FNBP1L: variants seen among roughly 807,000 people sequenced by gnomAD.
FNBP1L encodes the protein formin-binding protein 1-like.
In FNBP1L, 36 loss-of-function variants were observed where a neutral mutation model predicts 91.2. That is an observed-to-expected ratio of 0.39 (90% CI 0.30 to 0.52). The LOEUF (loss-of-function observed/expected upper bound fraction) is 0.52, where lower values mean the gene tolerates loss of function less well. Among genes scored for constraint, FNBP1L ranks in the 20% least tolerant of loss-of-function variants. FNBP1L has a pLI of 0.66. For missense variants in FNBP1L, 571 were observed against 732.1 expected, an observed-to-expected ratio of 0.78 and a Z score of 2.54; for synonymous variants, 242 against 237.0, an observed-to-expected ratio of 1.02 and a Z score of -0.19.
intron 1 of FNBP1L, among the ~76,000 whole-genome samples, chr1:93,495,385 AC>A (rs1670229207): frequency 6.6e-6 from 1 of 152,228 alleles, no homozygotes; most frequent in African/African-American, 2.4e-5. Flanking sequence ...AAATGTATTA[AC>A]CACTGATAAA....
chr1:93,470,607 T>C (rs1669249794), intron 1 of FNBP1L, among the ~76,000 whole-genome samples: 1 of 151,988 alleles, frequency 6.6e-6, no homozygotes, highest in Non-Finnish European at 1.5e-5. Flanking sequence ...GCACGGTGGC[T>C]CAGACCTGTA....
chr1:93,550,748 T>C (rs968864693), intron 15 of FNBP1L, among the ~76,000 whole-genome samples, 199 bp from the exon 16 acceptor site: 1 of 152,242 alleles, frequency 6.6e-6, no homozygotes, highest in African/African-American at 2.4e-5. Context: ...TGCGGGCTTA[T>C]TATGCAGCTC....
At chr1:93,485,782 C>T (rs549018966) in intron 1 of FNBP1L, among the ~76,000 whole-genome samples, 29 of 152,232 alleles carry the variant, frequency 1.9e-4, no homozygotes, top group African/African-American at 6.3e-4. Context: ...CTGCAACCTC[C>T]GCCTCCCGGG....
chr1:93,539,241 AT>A (rs1484156603), intron 10 of FNBP1L, among the ~76,000 whole-genome samples: 3 of 152,088 alleles, frequency 2.0e-5, no homozygotes, highest in Admixed American at 2.0e-4. Flanking sequence ...CCTATTTAAA[AT>A]GAAATACACC....
chr1:93,510,984 G>A (rs1233937112), intron 2 of FNBP1L, among the ~76,000 whole-genome samples: 2 of 152,184 alleles, frequency 1.3e-5, no homozygotes, highest in African/African-American at 4.8e-5. Flanking sequence ...TCTGATTGGT[G>A]TACCTGAAAG....
chr1:93,499,669 A>G (rs945520565), intron 2 of FNBP1L, 86 bp downstream of exon 2: 1 of 773,258 alleles, frequency 1.3e-6, no homozygotes, highest in African/African-American at 1.8e-5. Context: ...TCCAGAGGTT[A>G]AATTCTATGT....
chr1:93,509,634 C>T (rs563527488), intron 2 of FNBP1L, among the ~76,000 whole-genome samples: 18 of 152,216 alleles, frequency 1.2e-4, no homozygotes, highest in East Asian at 3.9e-4. Context: ...GGAACAGCTC[C>T]GGTCTACAGC....
intron 2 of FNBP1L, among the ~76,000 whole-genome samples, chr1:93,502,081 T>C (rs543101950): frequency 4.3e-4 from 65 of 152,342 alleles, no homozygotes; most frequent in Non-Finnish European, 6.9e-4. Context: ...TCAGGTTGAA[T>C]GATGAATGTG....
chr1:93,522,795 G>C (rs966417322), intron 3 of FNBP1L, among the ~76,000 whole-genome samples: 5 of 152,090 alleles, frequency 3.3e-5, no homozygotes, highest in Admixed American at 6.6e-5. Context: ...GATTCTCTTT[G>C]TTTCTCTCCT....
At position 93,551,089 on chromosome 1, in the gene FNBP1L, A is replaced by C. The variant is rs746656111; in HGVS notation, c.1794A>C (p.Leu598=). Residue 598 remains leucine, a synonymous_variant, in exon 16 of 17, where the codon CTA becomes CTC. Coordinates refer to ENST00000271234, the MANE Select transcript of FNBP1L (RefSeq NM_001164473.3). ...YVPTSYIDVT[L]EKNSKGS is the part of the protein sequence containing the mutation. ...CCACGTCATACATAGATGTAACTCT[A>C]GAGAAAAACAGTAAAGGTGCAGTAA... 6.2e-7 allele frequency: 1 copy of C among 1,608,722 alleles called. No individual in the cohort carries two copies. The highest frequency in any genetic ancestry group is 1.1e-5 in the South Asian group (1 of 90,288).
At chr1:93,472,743 C>T (rs1465320333) in intron 1 of FNBP1L, among the ~76,000 whole-genome samples, 3 of 128,520 alleles carry the variant, frequency 2.3e-5, no homozygotes, top group Admixed American at 9.8e-5. Flanking sequence ...ACCCGGGAGG[C>T]GGAGCTTGCA....
intron 1 of FNBP1L, among the ~76,000 whole-genome samples, chr1:93,456,072 C>T (rs1160970165): frequency 1.3e-5 from 2 of 152,292 alleles, no homozygotes; most frequent in South Asian, 2.1e-4. Flanking sequence ...ATGAGTCCAG[C>T]CTGGGCAATA....
chr1:93,478,857 T>A (rs1011508731), intron 1 of FNBP1L, among the ~76,000 whole-genome samples: 2 of 152,158 alleles, frequency 1.3e-5, no homozygotes, highest in African/African-American at 4.8e-5. Context: ...AGGTAAATGT[T>A]TGGTAAGTTT....
At chr1:93,465,413 C>T (rs1669042565) in intron 1 of FNBP1L, among the ~76,000 whole-genome samples, 1 of 151,620 alleles carries the variant, frequency 6.6e-6, no homozygotes, top group South Asian at 2.1e-4. Context: ...TCCAAGTGAT[C>T]TCATTGTTCA....
chr1:93,533,878 A>G (rs1671763058), intron 8 of FNBP1L, among the ~76,000 whole-genome samples: 1 of 152,152 alleles, frequency 6.6e-6, no homozygotes, highest in African/African-American at 2.4e-5. Context: ...TGAGGGTAGC[A>G]TTACTGACAA....
At chr1:93,544,282 A>G (rs903725622) in intron 12 of FNBP1L, 66 bp downstream of exon 12, 12 of 1,081,422 alleles carry the variant, frequency 1.1e-5, no homozygotes, top group Non-Finnish European at 1.4e-5. Context: ...ACGCCCTTAA[A>G]TGTGATATAC....
chr1:93,488,546 A>T (rs1669991015), intron 1 of FNBP1L: 1 of 152,298 alleles, frequency 6.6e-6, no homozygotes, highest in East Asian at 1.9e-4. Context: ...TATACCCTCC[A>T]ATGTATTTCC....
At chr1:93,482,015 C>G (rs574359840) in intron 1 of FNBP1L, among the ~76,000 whole-genome samples, 144 of 151,992 alleles carry the variant, frequency 9.5e-4, no homozygotes, top group African/African-American at 3.4e-3. Flanking sequence ...CAAAAAATAG[C>G]CAGTTGTAGT....
intron 1 of FNBP1L, among the ~76,000 whole-genome samples, chr1:93,465,149 C>T (rs1669027601): frequency 6.7e-6 from 1 of 149,808 alleles, no homozygotes. Context: ...GAATGTTACC[C>T]TTTGGGAGGC....
Sources: allele counts gnomAD v4.1 joint callset (sites outside exome capture counted in the v4.1 genomes callset), GRCh38; gene constraint gnomAD v4.1.1; transcripts MANE v1.5; gene names NCBI Gene and HGNC (gene_info 2026-07-23, HGNC 2026-07-21).